Variants in DNAH14 observed in about 807,000 individuals in gnomAD.
DNAH14 encodes the protein axonemal beta dynein heavy chain 14.
A neutral mutation model predicts 520.9 loss-of-function variants in DNAH14; 478 were observed. The observed-to-expected ratio is 0.92, with a 90% CI of 0.85 to 0.99. The LOEUF is 0.99. DNAH14 is among the 50% of genes least tolerant of loss of function. The probability of loss-of-function intolerance (pLI) is 0.00; values close to 1 mark genes in which losing one functional copy is unlikely to be tolerated. For synonymous variants in DNAH14, 1,581 were observed against 1,757.2 expected (o/e 0.90, Z 2.51); for missense variants, 4,831 against 5,234.5 (o/e 0.92, Z 2.38).
At chr1:225,165,504 T>C (rs1359991067) in intron 35 of DNAH14, among the ~76,000 whole-genome samples, 1 of 152,108 alleles carries the variant, frequency 6.6e-6, no homozygotes, top group Non-Finnish European at 1.5e-5. Flanking sequence ...CTAAGCTTAG[T>C]TATTTTCTTA....
chr1:225,027,953 A>T (rs1003946031), intron 11 of DNAH14, among the ~76,000 whole-genome samples: 1 of 152,116 alleles, frequency 6.6e-6, no homozygotes, highest in African/African-American at 2.4e-5. Context: ...ATTTTCATAA[A>T]TGGAACCAAT....
At position 225,266,652 on chromosome 1, in the gene DNAH14, T is replaced by TA; in HGVS notation, c.7423dup (p.Ile2475AsnfsTer2). ...TTGTCTTTCTTAAGATTCTAATATT[T>TA]ATTGATGATATGAATATGCCAGTAT... On this transcript the variant is annotated frameshift_variant, in exon 49 of 86. Transcript: ENST00000682510. LOFTEE classifies it high-confidence loss of function. 6.7e-7 allele frequency: 1 copy of TA among 1,493,706 alleles called. No individual in the cohort carries two copies. 92.5% of individuals were successfully genotyped at this position (1,493,706 alleles called of 1,614,324 possible).
chr1:225,214,708 G>A (rs1574043879), intron 41 of DNAH14, among the ~76,000 whole-genome samples: 1 of 152,172 alleles, frequency 6.6e-6, no homozygotes, highest in East Asian at 1.9e-4. Context: ...GGTGTTTATA[G>A]TATTCTCTGA....
intron 54 of DNAH14, among the ~76,000 whole-genome samples, chr1:225,288,987 G>A (rs2093807388): frequency 6.6e-6 from 1 of 152,012 alleles, no homozygotes; most frequent in South Asian, 2.1e-4. Context: ...AATAAAACAA[G>A]TATCCACTCA....
intron 36 of DNAH14, among the ~76,000 whole-genome samples, chr1:225,168,952 C>A (rs534552400): frequency 1.3e-5 from 2 of 152,182 alleles, no homozygotes; most frequent in Non-Finnish European, 2.9e-5. Flanking sequence ...TGAGAAAAAA[C>A]TTCCAGAGGA....
chr1:225,276,988 AG>A (rs1558241843), intron 53 of DNAH14, among the ~76,000 whole-genome samples: 286 of 25,618 alleles, frequency 0.011, 5 homozygotes, highest in African/African-American at 0.044. Flanking sequence ...GAAGGAAGGG[AG>A]GGAGGAAGGA....
At chr1:225,042,100 G>A (rs1052218511) in intron 12 of DNAH14, among the ~76,000 whole-genome samples, 1 of 152,074 alleles carries the variant, frequency 6.6e-6, no homozygotes, top group Non-Finnish European at 1.5e-5. Flanking sequence ...AGCTTAATAA[G>A]GTGCTATGAG....
At position 225,176,022 on chromosome 1, in the gene DNAH14, C is replaced by T. The variant is rs551602845; in HGVS notation, c.5535+7994C>T. On this transcript the variant is annotated intron_variant, in intron 36 of 85. Transcript: ENST00000682510. Reference sequence around the variant, plus strand: ...ACCCACCTCGGACTCCCAAAGTGCTCGGATTACAGGCATGAGCCACCACAC... The same window carrying T: ...ACCCACCTCGGACTCCCAAAGTGCTTGGATTACAGGCATGAGCCACCACAC... 1.2e-3 allele frequency among the ~76,000 whole-genome samples: 179 copies of T among 152,030 alleles called. 2 individuals carry two copies. The highest frequency in any genetic ancestry group is 6.8e-3 in the Middle Eastern group (2 of 294).
intron 66 of DNAH14, among the ~76,000 whole-genome samples, chr1:225,335,985 A>G (rs2095031647): frequency 7.3e-6 from 1 of 136,270 alleles, no homozygotes; most frequent in African/African-American, 2.8e-5. Context: ...ATATGTGTAT[A>G]TACACACATA....
At chr1:225,382,889 A>G (rs1224222060) in intron 81 of DNAH14, among the ~76,000 whole-genome samples, 2 of 152,238 alleles carry the variant, frequency 1.3e-5, no homozygotes, top group African/African-American at 4.8e-5. Context: ...GTACTGATAC[A>G]GGCTATCACA....
chr1:224,945,113 G>A (rs571909264), intron 1 of DNAH14, among the ~76,000 whole-genome samples: 23 of 152,186 alleles, frequency 1.5e-4, no homozygotes, highest in South Asian at 4.1e-4. Context: ...CATTCTCCCC[G>A]TCATTTTCAG....
intron 41 of DNAH14, among the ~76,000 whole-genome samples, chr1:225,207,918 A>G (rs2087806623): frequency 6.6e-6 from 1 of 152,192 alleles, no homozygotes; most frequent in Non-Finnish European, 1.5e-5. Flanking sequence ...TACTTTCCCC[A>G]TCAACTCAAC....
chr1:225,198,336 G>A (rs572636453), intron 38 of DNAH14, among the ~76,000 whole-genome samples: 1 of 151,988 alleles, frequency 6.6e-6, no homozygotes, highest in African/African-American at 2.4e-5. Context: ...TCCTGCCTCA[G>A]CCTCCCAAGT....
chr1:225,192,767 T>G lies in DNAH14; in HGVS notation c.5742T>G (p.Tyr1914Ter). The G allele has an allele frequency of 6.5e-7, 1 of 1,550,216 alleles. No homozygotes were observed. The highest frequency in any genetic ancestry group is 1.4e-5 in the African/African-American group (1 of 73,086). The change falls in exon 38 of 86, where the codon TAT (tyrosine) becomes TAG (stop). Residue 1914 changes from tyrosine to a stop codon, truncating the protein, a stop_gained. Coordinates refer to ENST00000682510, the MANE Select transcript of DNAH14 (RefSeq NM_001367479.1). LOFTEE classifies it high-confidence loss of function. ...NPKCVTLSEL[Y>*]GQLDPNTMEW... is the part of the protein sequence containing the mutation. ...AGTGTGTCACTCTCAGTGAACTATA[T>G]GGACAACTGGATCCTAATACTATGG... is the stretch of plus-strand genomic sequence containing the variant.
intron 54 of DNAH14, among the ~76,000 whole-genome samples, chr1:225,288,210 A>G (rs758463860): frequency 3.3e-5 from 5 of 152,170 alleles, no homozygotes; most frequent in Non-Finnish European, 5.9e-5. Context: ...CAAGTTCACC[A>G]ACAAAAATGA....
At chr1:225,252,276 T>C (rs751864936) in intron 43 of DNAH14, 25 bp from the exon 44 acceptor site, 2 of 1,298,500 alleles carry the variant, frequency 1.5e-6, no homozygotes, top group South Asian at 1.3e-5. Flanking sequence ...CCTTTCTTAG[T>C]TGAATTTATT....
In DNAH14 at chr1:225,080,588, T is replaced by A. The variant is rs1295192492; in HGVS notation, c.2976T>A (p.Ile992=). ...TQIVLSEISD[I]EGDLTLRKKL... ...TTGTGCTTTCAGAGATCTCTGACAT[T>A]GAAGGTGACTTGACTTTGAGGAAAA... is the stretch of plus-strand genomic sequence containing the variant. The change falls in exon 19 of 86, where the codon ATT becomes ATA. Residue 992 remains isoleucine, a synonymous_variant. Transcript: ENST00000682510. The A allele has an allele frequency of 1.3e-6, 2 of 1,552,006 alleles. No individual in the cohort carries two copies. Among genetic ancestry groups the A allele is most frequent in the East Asian group, 4.9e-5 (2 of 40,918 alleles).
chr1:225,111,908 C>A (rs2076510805), intron 23 of DNAH14, among the ~76,000 whole-genome samples: 1 of 151,984 alleles, frequency 6.6e-6, no homozygotes, highest in Non-Finnish European at 1.5e-5. Context: ...AACAAATGAG[C>A]AAAAACAAAG....
intron 78 of DNAH14, among the ~76,000 whole-genome samples, chr1:225,375,529 G>A (rs1199624332): frequency 6.6e-6 from 1 of 152,114 alleles, no homozygotes; most frequent in African/African-American, 2.4e-5. Flanking sequence ...GAGTGGGCCT[G>A]GTATCATCAA....
Sources: gnomAD v4.1 joint callset for allele counts (sites outside exome capture counted in the v4.1 genomes callset) on GRCh38, gnomAD v4.1.1 for gene constraint, MANE v1.5 for transcripts, NCBI Gene and HGNC (gene_info 2026-07-23, HGNC 2026-07-21) for gene names.